TNS3: variants seen among roughly 807,000 people sequenced by gnomAD.
TNS3 encodes the protein tensin-3.
In TNS3, 45 loss-of-function variants were observed where a neutral mutation model predicts 140.9. The ratio of observed to expected loss-of-function variants is 0.32; its 90% CI spans 0.25 to 0.41. The LOEUF is 0.41. Ranked by LOEUF, TNS3 falls within the 10% of genes least tolerant of loss-of-function variation. The pLI, the probability that TNS3 is intolerant of heterozygous loss-of-function variation, is 1.00. For synonymous variants in TNS3, 815 were observed against 788.4 expected (o/e 1.03, Z -0.56); for missense variants, 1,716 against 1,906.7 (o/e 0.90, Z 1.86).
intron 16 of TNS3, among the ~76,000 whole-genome samples, chr7:47,377,204 A>G (rs1226397831): frequency 1.3e-5 from 2 of 152,242 alleles, no homozygotes; most frequent in African/African-American, 2.4e-5. Flanking sequence ...TGATGTCTGC[A>G]GCTGCAAGTG....
chr7:47,336,440 T>A (rs138576521), intron 20 of TNS3, among the ~76,000 whole-genome samples: 452 of 152,340 alleles, frequency 3.0e-3, no homozygotes, highest in East Asian at 0.017. Flanking sequence ...TGGCTTCTGT[T>A]AGTCACATTA....
intron 1 of TNS3, among the ~76,000 whole-genome samples, chr7:47,551,618 A>C (rs894000446): frequency 6.6e-6 from 1 of 152,258 alleles, no homozygotes; most frequent in Non-Finnish European, 1.5e-5. Flanking sequence ...TACAATGAGA[A>C]CTACGAAAAC....
Position 47,369,382 on chromosome 7 carries a change from TCTC to T in TNS3, c.1261_1263del (p.Glu421del). 1 of 1,613,934 alleles carries T rather than the reference TCTC, an allele frequency of 6.2e-7. No homozygotes were observed. Among genetic ancestry groups the T allele is most frequent in the Non-Finnish European group, 8.5e-7 (1 of 1,179,964 alleles). On this transcript the variant is annotated inframe_deletion, in exon 17 of 31. Coordinates refer to ENST00000311160, the MANE Select transcript of TNS3 (RefSeq NM_022748.12). The stretch of plus-strand genomic sequence containing the variant: ...CTGAGCAGCTGGTCCAACTCTGCCT[TCTC>T]CTGGGCACTCAGGCCCCTCCTGGTT...
intron 17 of TNS3, among the ~76,000 whole-genome samples, chr7:47,348,346 AG>A (rs1328745210): frequency 6.6e-6 from 1 of 152,230 alleles, no homozygotes; most frequent in East Asian, 1.9e-4. Flanking sequence ...TCATTCCACC[AG>A]GGAGGACCTA....
intron 4 of TNS3, among the ~76,000 whole-genome samples, chr7:47,445,090 C>CT (rs1405099072): frequency 6.6e-6 from 1 of 152,140 alleles, no homozygotes; most frequent in East Asian, 1.9e-4. Flanking sequence ...CTATGTAAGT[C>CT]TACATCCACT....
intron 16 of TNS3, among the ~76,000 whole-genome samples, chr7:47,390,079 A>G (rs1285341575): frequency 3.3e-5 from 5 of 152,342 alleles, no homozygotes; most frequent in South Asian, 2.1e-4. Flanking sequence ...GCAGCTCTCA[A>G]TGCTGGGGGA....
chr7:47,409,514 C>G (rs1288995975), intron 13 of TNS3, among the ~76,000 whole-genome samples: 1 of 152,124 alleles, frequency 6.6e-6, no homozygotes, highest in African/African-American at 2.4e-5. Flanking sequence ...AGCCGTGGGG[C>G]AATAACTACT....
intron 4 of TNS3, among the ~76,000 whole-genome samples, chr7:47,470,949 TG>T (rs75069717): frequency 0.012 from 1,776 of 147,806 alleles, 20 homozygotes; most frequent in Non-Finnish European, 0.015. Flanking sequence ...TTTTGTTTTT[TG>T]TTTTTTTTTA....
chr7:47,338,572 CTTTTT>C (rs1788765073), intron 20 of TNS3, among the ~76,000 whole-genome samples: 1 of 151,854 alleles, frequency 6.6e-6, no homozygotes, highest in Non-Finnish European at 1.5e-5. Context: ...AGTGGCTTTT[CTTTTT>C]AATTTCAACT....
Position 47,275,571 on chromosome 7 carries a change from G to T in TNS3, c.*2505C>A. 3.1e-6 allele frequency: 1 copy of T among 327,680 alleles called. No homozygotes were observed. Among genetic ancestry groups the T allele is most frequent in the South Asian group, 2.5e-5 (1 of 39,770 alleles). The allele number at this position is 327,680 out of a possible 1,614,324, so 20.3% of individuals were successfully genotyped here. A position where few individuals can be genotyped will look rare whatever the true frequency, so the allele number is the denominator to read the frequency against. Reference sequence around the variant, plus strand: ...GGCCCTAGAGCCGGTGTCCACGGTGGGGGCTCTCTCACGGTTTCTGAGCCC... The same window carrying T: ...GGCCCTAGAGCCGGTGTCCACGGTGTGGGCTCTCTCACGGTTTCTGAGCCC... On this transcript the variant is annotated 3_prime_UTR_variant, in exon 31 of 31. Coordinates refer to ENST00000311160, the MANE Select transcript of TNS3 (RefSeq NM_022748.12).
chr7:47,549,627 C>T (rs1225997571), intron 1 of TNS3, among the ~76,000 whole-genome samples: 1 of 152,160 alleles, frequency 6.6e-6, no homozygotes, highest in Non-Finnish European at 1.5e-5. Context: ...CAAACGGGCT[C>T]ACTTCCCCCA....
chr7:47,478,056 A>G (rs1797259606), intron 4 of TNS3, among the ~76,000 whole-genome samples: 1 of 152,190 alleles, frequency 6.6e-6, no homozygotes. Flanking sequence ...AGGCCCTCTC[A>G]TGACCCCACA....
intron 20 of TNS3, among the ~76,000 whole-genome samples, chr7:47,328,487 A>T (rs1189321518): frequency 6.6e-6 from 1 of 151,468 alleles, no homozygotes; most frequent in East Asian, 1.9e-4. Context: ...CATGCCCCCA[A>T]ACCTGCCCCT....
intron 20 of TNS3, 74 bp from the exon 21 acceptor site, chr7:47,305,077 C>T: frequency 3.4e-6 from 4 of 1,192,188 alleles, no homozygotes; most frequent in African/African-American, 3.1e-5. Flanking sequence ...GCTGCTTTTG[C>T]ATGTTCCACA....
Position 47,460,592 on chromosome 7 carries a change from C to T in TNS3, c.-75-18537G>A, listed in dbSNP as rs79526371. Among the ~76,000 whole-genome samples, 624 of 152,332 alleles carry T rather than the reference C, an allele frequency of 4.1e-3. 2 individuals are homozygous for T. The highest frequency in any genetic ancestry group is 0.014 in the African/African-American group (599 of 41,568). On this transcript the variant is annotated intron_variant, in intron 4 of 30. Transcript: ENST00000311160. ...CCGCCCTGCGCTCCCCTCACTTCAC[C>T]CTCTCCTGGCAGGAAGCCAGGCTGA...
intron 2 of TNS3, among the ~76,000 whole-genome samples, chr7:47,507,740 G>C (rs73095188): frequency 0.16 from 23,719 of 152,218 alleles, 2,281 homozygotes; most frequent in East Asian, 0.31. Context: ...AGGACAGGGA[G>C]AGAGAAATGA....
At chr7:47,290,517 C>T (rs1170129576) in intron 27 of TNS3, among the ~76,000 whole-genome samples, 2 of 151,932 alleles carry the variant, frequency 1.3e-5, no homozygotes, top group Non-Finnish European at 2.9e-5. Context: ...AAAACAAAAC[C>T]CAATTAAACA....
chr7:47,301,744 A>C (rs1051900333), intron 23 of TNS3, among the ~76,000 whole-genome samples: 3 of 151,800 alleles, frequency 2.0e-5, no homozygotes, highest in Non-Finnish European at 4.4e-5. Context: ...TTAAGTGCTT[A>C]TGTAGGTGTT....
At chr7:47,399,498 A>T (rs1445999472) in intron 15 of TNS3, among the ~76,000 whole-genome samples, 1 of 152,220 alleles carries the variant, frequency 6.6e-6, no homozygotes, top group Non-Finnish European at 1.5e-5. Context: ...AATGGAACAG[A>T]ATAGAGAATC....
Sources: allele counts gnomAD v4.1 joint callset (sites outside exome capture counted in the v4.1 genomes callset), GRCh38; gene constraint gnomAD v4.1.1; transcripts MANE v1.5; gene names NCBI Gene and HGNC (gene_info 2026-07-23, HGNC 2026-07-21).